IQGAP1: variants seen among roughly 807,000 people sequenced by gnomAD.
IQGAP1 encodes ras GTPase-activating-like protein IQGAP1.
IQGAP1 carries 66 observed loss-of-function variants against 215.6 expected under a neutral mutation model. The ratio of observed to expected loss-of-function variants is 0.31; its 90% CI spans 0.25 to 0.38. The LOEUF is 0.38. Ranked by LOEUF, IQGAP1 falls within the 10% of genes least tolerant of loss-of-function variation. The probability of loss-of-function intolerance (pLI) is 1.00; values close to 1 mark genes in which losing one functional copy is unlikely to be tolerated. For synonymous variants in IQGAP1, 772 were observed against 728.7 expected (o/e 1.06, Z -0.96); for missense variants, 1,712 against 1,997.1 (o/e 0.86, Z 2.72).
intron 2 of IQGAP1, among the ~76,000 whole-genome samples, chr15:90,408,517 A>C (rs1268661051): frequency 6.6e-6 from 1 of 152,228 alleles, no homozygotes; most frequent in East Asian, 1.9e-4. Context: ...AAGAAAGTTT[A>C]GAGGAAGTTT....
intron 18 of IQGAP1, among the ~76,000 whole-genome samples, chr15:90,470,995 T>A (rs1263572233): frequency 6.6e-6 from 1 of 152,032 alleles, no homozygotes; most frequent in Non-Finnish European, 1.5e-5. Context: ...GTGATCTCTT[T>A]CAAGCCTGTG....
chr15:90,474,299 G>T, intron 22 of IQGAP1, 166 bp downstream of exon 22: 1 of 758,570 alleles, frequency 1.3e-6, no homozygotes, highest in Non-Finnish European at 2.1e-6. Context: ...TGTCTTGTTG[G>T]CTTGTTGCAT....
At chr15:90,455,701 G>C (rs1344090667) in intron 14 of IQGAP1, among the ~76,000 whole-genome samples, 1 of 152,202 alleles carries the variant, frequency 6.6e-6, no homozygotes, top group Non-Finnish European at 1.5e-5. Flanking sequence ...CCATTTGTTT[G>C]CTGTGTAATC....
At chr15:90,472,515 T>A (rs1965920210) in intron 18 of IQGAP1, among the ~76,000 whole-genome samples, 1 of 152,202 alleles carries the variant, frequency 6.6e-6, no homozygotes, top group African/African-American at 2.4e-5. Flanking sequence ...CCTGTCACTC[T>A]GTTCTTGTCT....
intron 2 of IQGAP1, among the ~76,000 whole-genome samples, chr15:90,394,055 A>T (rs560081097): frequency 6.7e-6 from 1 of 148,860 alleles, no homozygotes; most frequent in South Asian, 2.2e-4. Flanking sequence ...GAATTGCTTG[A>T]ACCCGGGAGG....
At chr15:90,498,744 T>A (rs1015354932) in intron 37 of IQGAP1, among the ~76,000 whole-genome samples, 1 of 151,916 alleles carries the variant, frequency 6.6e-6, no homozygotes, top group Admixed American at 6.6e-5. Flanking sequence ...ACCTCGTGGG[T>A]TCAAGTGATT....
chr15:90,474,010 C>T (rs752411480), intron 21 of IQGAP1, 43 bp downstream of exon 21: 3 of 1,608,050 alleles, frequency 1.9e-6, no homozygotes, highest in Admixed American at 3.3e-5. Context: ...GGCAATTTTG[C>T]CATATTTTTG....
chr15:90,410,378 C>T (rs1042660797), intron 2 of IQGAP1, among the ~76,000 whole-genome samples: 2 of 152,192 alleles, frequency 1.3e-5, no homozygotes, highest in African/African-American at 4.8e-5. Context: ...TATAAAGACA[C>T]ATGCGCACGT....
intron 23 of IQGAP1, chr15:90,475,567 A>G (rs1349919285): frequency 1.3e-5 from 2 of 149,566 alleles, no homozygotes; most frequent in African/African-American, 4.9e-5. Context: ...CCAGGCCAAC[A>G]TGGTGAAACC....
intron 15 of IQGAP1, among the ~76,000 whole-genome samples, chr15:90,465,159 T>G (rs1408615894): frequency 6.6e-6 from 1 of 152,208 alleles, no homozygotes; most frequent in Non-Finnish European, 1.5e-5. Flanking sequence ...ACATTCAAGT[T>G]TTAGGATATC....
intron 2 of IQGAP1, among the ~76,000 whole-genome samples, chr15:90,423,614 G>A (rs1353568407): frequency 1.3e-5 from 2 of 152,206 alleles, no homozygotes; most frequent in Admixed American, 1.3e-4. Context: ...CACATATGTG[G>A]TGAGGTGACT....
chr15:90,464,762 G>A (rs1965807738), intron 15 of IQGAP1, among the ~76,000 whole-genome samples: 1 of 151,906 alleles, frequency 6.6e-6, no homozygotes, highest in African/African-American at 2.4e-5. Context: ...TGAGGCAGGA[G>A]AATGGCGTGA....
At chr15:90,426,026 G>T (rs1965216464) in intron 2 of IQGAP1, 84 bp from the exon 3 acceptor site, 7 of 1,327,820 alleles carry the variant, frequency 5.3e-6, no homozygotes, top group Non-Finnish European at 7.2e-6. Context: ...CTTCTCCAAG[G>T]AGAATGGAAA....
chr15:90,467,300 C>T (rs1965845336), intron 17 of IQGAP1, 150 bp from the exon 18 acceptor site: 1 of 626,478 alleles, frequency 1.6e-6, no homozygotes, highest in Admixed American at 3.5e-5. Context: ...GGGAGCTTAG[C>T]ATGCCCCTTT....
intron 37 of IQGAP1, among the ~76,000 whole-genome samples, chr15:90,498,794 C>A (rs1235368735): frequency 6.7e-6 from 1 of 149,116 alleles, no homozygotes; most frequent in Admixed American, 6.7e-5. Context: ...ATTACAGGCG[C>A]ACACCATCAC....
At chr15:90,446,898 A>G (rs1349252092) in intron 9 of IQGAP1, among the ~76,000 whole-genome samples, 1 of 152,192 alleles carries the variant, frequency 6.6e-6, no homozygotes, top group Non-Finnish European at 1.5e-5. Flanking sequence ...TTGCAATATA[A>G]ATGTTTATAG....
intron 15 of IQGAP1, 48 bp from the exon 16 acceptor site, chr15:90,465,953 T>G (rs1965824992): frequency 2.1e-6 from 3 of 1,434,108 alleles, no homozygotes; most frequent in Non-Finnish European, 3.0e-6. Context: ...GTATGTTACA[T>G]GTACCCTGAT....
intron 2 of IQGAP1, among the ~76,000 whole-genome samples, chr15:90,412,634 A>G (rs928624093): frequency 1.3e-5 from 2 of 152,138 alleles, no homozygotes; most frequent in African/African-American, 2.4e-5. Flanking sequence ...CTTTCTCTCA[A>G]GACTTAGATT....
chr15:90,447,423 G>C (rs949167732), intron 9 of IQGAP1, among the ~76,000 whole-genome samples: 3 of 151,966 alleles, frequency 2.0e-5, no homozygotes, highest in African/African-American at 7.3e-5. Flanking sequence ...GGGCTGTTTT[G>C]ATTTTCTTTA....
Sources: allele counts gnomAD v4.1 joint callset (sites outside exome capture counted in the v4.1 genomes callset), GRCh38; gene constraint gnomAD v4.1.1; transcripts MANE v1.5; gene names NCBI Gene and HGNC (gene_info 2026-07-23, HGNC 2026-07-21).